The following SLC24A3 variants were observed in gnomAD, a reference collection of about 807,000 sequenced individuals.
The protein encoded by SLC24A3 is sodium/potassium/calcium exchanger 3.
SLC24A3 carries 28 observed loss-of-function variants against 75.8 expected under a neutral mutation model. The observed-to-expected ratio is 0.37, with a 90% CI of 0.27 to 0.51. SLC24A3 has a LOEUF of 0.51. Ranked by LOEUF, SLC24A3 falls within the 20% of genes least tolerant of loss-of-function variation. SLC24A3 has a pLI of 0.94. For missense variants in SLC24A3, 663 were observed against 847.8 expected, an observed-to-expected ratio of 0.78 and a Z score of 2.71; for synonymous variants, 372 against 334.1, an observed-to-expected ratio of 1.11 and a Z score of -1.24.
intron 3 of SLC24A3, among the ~76,000 whole-genome samples, chr20:19,570,502 C>T (rs1180340224): frequency 1.3e-5 from 2 of 152,126 alleles, no homozygotes; most frequent in African/African-American, 4.8e-5. Context: ...GGGCCCCAAC[C>T]CAGATTGCTA....
chr20:19,712,862 G>A (rs2033005576), intron 15 of SLC24A3, among the ~76,000 whole-genome samples: 1 of 152,194 alleles, frequency 6.6e-6, no homozygotes, highest in African/African-American at 2.4e-5. Context: ...AAATGATGCG[G>A]ATATAAAAGA....
At chr20:19,633,823 C>G (rs951394282) in intron 6 of SLC24A3, among the ~76,000 whole-genome samples, 5 of 151,874 alleles carry the variant, frequency 3.3e-5, no homozygotes, top group African/African-American at 9.7e-5. Flanking sequence ...AGGCACAATT[C>G]CCCCCATAAC....
intron 2 of SLC24A3, among the ~76,000 whole-genome samples, chr20:19,423,584 G>A (rs1439089128): frequency 6.6e-6 from 1 of 152,124 alleles, no homozygotes; most frequent in East Asian, 1.9e-4. Context: ...TATAGGCACC[G>A]AACTTATTGG....
chr20:19,719,502 T>G (rs1600357030), intron 16 of SLC24A3, among the ~76,000 whole-genome samples: 1 of 148,868 alleles, frequency 6.7e-6, no homozygotes, highest in African/African-American at 2.5e-5. Flanking sequence ...GGCAGGGAGG[T>G]GGGGTTGGGA....
At chr20:19,423,844 G>A (rs1600475249) in intron 2 of SLC24A3, among the ~76,000 whole-genome samples, 1 of 152,160 alleles carries the variant, frequency 6.6e-6, no homozygotes, top group Non-Finnish European at 1.5e-5. Context: ...AGGTTTGTCG[G>A]TAGTCAGCAG....
chr20:19,528,523 C>G (rs1184494542), intron 3 of SLC24A3, among the ~76,000 whole-genome samples: 1 of 152,170 alleles, frequency 6.6e-6, no homozygotes, highest in East Asian at 1.9e-4. Context: ...AAAATCAGGT[C>G]TACACGTGGC....
intron 2 of SLC24A3, among the ~76,000 whole-genome samples, chr20:19,405,707 TA>T (rs1367072414): frequency 1.3e-5 from 2 of 152,220 alleles, no homozygotes; most frequent in Admixed American, 6.5e-5. Flanking sequence ...CCAACCAGTT[TA>T]AAACAAAATC....
chr20:19,672,472 A>T (rs925024869), intron 8 of SLC24A3, among the ~76,000 whole-genome samples: 2 of 151,734 alleles, frequency 1.3e-5, no homozygotes, highest in Admixed American at 1.3e-4. Context: ...TGTAGCCGAG[A>T]CTCCAGGGGC....
At chr20:19,259,033 T>C (rs1982904132) in intron 1 of SLC24A3, among the ~76,000 whole-genome samples, 1 of 152,230 alleles carries the variant, frequency 6.6e-6, no homozygotes, top group Non-Finnish European at 1.5e-5. Context: ...GTAAGTTTTC[T>C]AGTAATAGTG....
chr20:19,663,421 CCTCCTCCTCCTCCGCCTTCT>C (rs1398180251), intron 7 of SLC24A3, among the ~76,000 whole-genome samples: 14 of 88,944 alleles, frequency 1.6e-4, no homozygotes, highest in East Asian at 7.7e-4. Flanking sequence ...TCCTCCTCCT[CCTCCTCCTCCTCCGCCTTCT>C]CATCCTCCTC....
intron 1 of SLC24A3, among the ~76,000 whole-genome samples, chr20:19,218,693 G>T (rs73122902): frequency 0.04 from 6,018 of 150,616 alleles, 157 homozygotes; most frequent in Non-Finnish European, 0.061. Flanking sequence ...CTTGTGGGAA[G>T]CTTTTTTTTT....
chr20:19,289,177 C>T (rs1157092692), intron 2 of SLC24A3, among the ~76,000 whole-genome samples: 3 of 152,086 alleles, frequency 2.0e-5, no homozygotes, highest in Non-Finnish European at 4.4e-5. Flanking sequence ...AGGTACTCTC[C>T]CCTCCTCCTG....
intron 2 of SLC24A3, among the ~76,000 whole-genome samples, chr20:19,310,953 T>C (rs1011740087): frequency 6.6e-6 from 1 of 152,192 alleles, no homozygotes; most frequent in Non-Finnish European, 1.5e-5. Context: ...TGAAAGCTTT[T>C]CATTTCTTTT....
chr20:19,639,633 C>T (rs184252784), intron 6 of SLC24A3, among the ~76,000 whole-genome samples: 26 of 152,366 alleles, frequency 1.7e-4, no homozygotes, highest in Non-Finnish European at 2.8e-4. Flanking sequence ...TGCAGCCGCA[C>T]TCCTCAGCCC....
intron 2 of SLC24A3, among the ~76,000 whole-genome samples, chr20:19,405,973 A>C (rs1986637067): frequency 6.6e-6 from 1 of 152,212 alleles, no homozygotes; most frequent in African/African-American, 2.4e-5. Flanking sequence ...TCTGCCAGCA[A>C]ATATATTTTC....
chr20:19,369,885 C>G (rs1223154671), intron 2 of SLC24A3, among the ~76,000 whole-genome samples: 1 of 152,032 alleles, frequency 6.6e-6, no homozygotes, highest in African/African-American at 2.4e-5. Context: ...AAAAACTGGT[C>G]TCTAACTTCT....
intron 6 of SLC24A3, among the ~76,000 whole-genome samples, chr20:19,640,886 G>A (rs955749248): frequency 6.6e-6 from 1 of 152,146 alleles, no homozygotes; most frequent in African/African-American, 2.4e-5. Flanking sequence ...CCTAAGATTG[G>A]AGATACAATT....
intron 2 of SLC24A3, among the ~76,000 whole-genome samples, chr20:19,328,939 C>T (rs1984931755): frequency 1.3e-5 from 2 of 152,180 alleles, no homozygotes; most frequent in African/African-American, 2.4e-5. Flanking sequence ...CTCGGAGGAG[C>T]AGCCATCGAG....
chr20:19,278,158 G>A (rs1427189843), intron 1 of SLC24A3, among the ~76,000 whole-genome samples: 1 of 152,042 alleles, frequency 6.6e-6, no homozygotes, highest in African/African-American at 2.4e-5. Flanking sequence ...AGAAATGCTG[G>A]GGGATTATGT....
Sources: gnomAD v4.1 joint callset for allele counts (sites outside exome capture counted in the v4.1 genomes callset) on GRCh38, gnomAD v4.1.1 for gene constraint, MANE v1.5 for transcripts, NCBI Gene and HGNC (gene_info 2026-07-23, HGNC 2026-07-21) for gene names.